KLHDC10: variants seen among roughly 807,000 people sequenced by gnomAD.
KLHDC10 encodes the protein kelch domain containing 10.
KLHDC10 carries 24 observed loss-of-function variants against 56.1 expected under a neutral mutation model. The observed-to-expected ratio is 0.43, with a 90% CI of 0.31 to 0.60. KLHDC10 has a LOEUF of 0.60. Among genes scored for constraint, KLHDC10 ranks in the 20% least tolerant of loss-of-function variants. The pLI, the probability that KLHDC10 is intolerant of heterozygous loss-of-function variation, is 0.11. For missense variants in KLHDC10, 349 were observed against 567.0 expected (o/e 0.62, Z 3.91); for synonymous variants, 188 against 207.1 (o/e 0.91, Z 0.79).
intron 2 of KLHDC10, among the ~76,000 whole-genome samples, chr7:130,113,678 CT>C (rs1037177121): frequency 3.3e-5 from 5 of 152,230 alleles, no homozygotes; most frequent in Non-Finnish European, 7.4e-5. Context: ...ATGAAACCGT[CT>C]TTTCACAGAC....
chr7:130,095,313 A>G (rs1285560560), intron 1 of KLHDC10, among the ~76,000 whole-genome samples: 2 of 152,092 alleles, frequency 1.3e-5, no homozygotes, highest in Admixed American at 6.5e-5. Context: ...AAAACCAACT[A>G]CCATTTTCTT....
intron 2 of KLHDC10, among the ~76,000 whole-genome samples, chr7:130,110,189 T>G (rs1796081936): frequency 6.6e-6 from 1 of 152,254 alleles, no homozygotes; most frequent in African/African-American, 2.4e-5. Flanking sequence ...TGTGATCATC[T>G]CATTGCACAT....
At chr7:130,093,389 A>T (rs1157893678) in intron 1 of KLHDC10, among the ~76,000 whole-genome samples, 1 of 151,838 alleles carries the variant, frequency 6.6e-6, no homozygotes, top group African/African-American at 2.4e-5. Context: ...ATGCCCAGCT[A>T]ATTTTTTTTG....
intron 2 of KLHDC10, among the ~76,000 whole-genome samples, chr7:130,098,401 G>A (rs1795881060): frequency 6.6e-6 from 1 of 152,118 alleles, no homozygotes; most frequent in Non-Finnish European, 1.5e-5. Flanking sequence ...GCTGAGATGG[G>A]AGGATCACTT....
At position 130,132,063 on chromosome 7, in the gene KLHDC10, TG is replaced by T. The variant is rs1796408719; in HGVS notation, c.*1318del. On this transcript the variant is annotated 3_prime_UTR_variant, in exon 10 of 10. Transcript: ENST00000335420. ...AATTTTAGTTCTGGTTTGTTTGATTTGTTTTTTTTTTAATTCTAAAAAGAAT... is the reference window on the plus strand; with the variant it reads ...AATTTTAGTTCTGGTTTGTTTGATTTTTTTTTTTTTAATTCTAAAAAGAAT... 6.6e-6 allele frequency: 1 copy of T among 151,066 alleles called. No homozygotes were observed. The highest frequency in any genetic ancestry group is 1.5e-5 in the Non-Finnish European group (1 of 68,010). 9.4% of individuals were successfully genotyped at this position (151,066 alleles called of 1,614,324 possible).
intron 1 of KLHDC10, among the ~76,000 whole-genome samples, chr7:130,082,778 A>G (rs1359703506): frequency 1.3e-5 from 2 of 152,108 alleles, no homozygotes; most frequent in Non-Finnish European, 2.9e-5. Flanking sequence ...TAACGTCCTA[A>G]TTGCTAACTC....
At chr7:130,112,368 G>A (rs575110009) in intron 2 of KLHDC10, among the ~76,000 whole-genome samples, 3 of 152,318 alleles carry the variant, frequency 2.0e-5, no homozygotes, top group Non-Finnish European at 4.4e-5. Flanking sequence ...TAATCCTTTA[G>A]CTTCATGTTC....
intron 4 of KLHDC10, among the ~76,000 whole-genome samples, chr7:130,121,163 A>G (rs1464019352): frequency 1.3e-5 from 2 of 150,904 alleles, no homozygotes; most frequent in African/African-American, 4.9e-5. Context: ...GTAGACCTGT[A>G]TGGAAGTTCC....
intron 5 of KLHDC10, among the ~76,000 whole-genome samples, chr7:130,123,934 T>A: frequency 6.6e-6 from 1 of 152,228 alleles, no homozygotes; most frequent in East Asian, 1.9e-4. Flanking sequence ...AATTTTCTGC[T>A]AAATAAGTAT....
At chr7:130,127,491 T>C in intron 8 of KLHDC10, 40 bp downstream of exon 8, 1 of 1,379,736 alleles carries the variant, frequency 7.2e-7, no homozygotes. Context: ...ATTTCTGTAA[T>C]TGTATCTTCT....
chr7:130,115,309 G>C (rs977456503), intron 2 of KLHDC10, among the ~76,000 whole-genome samples: 1 of 152,094 alleles, frequency 6.6e-6, no homozygotes, highest in Non-Finnish European at 1.5e-5. Context: ...TTCTGAAGTT[G>C]GGCAAGGGTT....
intron 2 of KLHDC10, among the ~76,000 whole-genome samples, chr7:130,098,618 A>G (rs970218740): frequency 6.6e-6 from 1 of 152,140 alleles, no homozygotes; most frequent in Non-Finnish European, 1.5e-5. Context: ...CAATTTACCA[A>G]TTTCCAATGA....
chr7:130,116,756 C>A lies in KLHDC10; in HGVS notation c.475+90C>A. ...CATATTCCTCATTAATAATTTATAA[C>A]ACTATAATGTGATTTCGCCCTGTGG... On this transcript the variant is annotated intron_variant, in intron 3 of 9. Transcript: ENST00000335420. This position sits in a 1 kb window ranked among gnomAD's most constrained non-coding sequence, Gnocchi z 4.8. The A allele has an allele frequency of 9.2e-7, 1 of 1,090,472 alleles. No homozygotes were observed. The highest frequency in any genetic ancestry group is 1.4e-6 in the Non-Finnish European group (1 of 717,118). The allele number at this position is 1,090,472 out of a possible 1,614,324, so 67.5% of individuals were successfully genotyped here. A position where few individuals can be genotyped will look rare whatever the true frequency, so the allele number is the denominator to read the frequency against.
intron 1 of KLHDC10, among the ~76,000 whole-genome samples, chr7:130,082,323 CA>C (rs920065360): frequency 6.6e-6 from 1 of 151,804 alleles, no homozygotes; most frequent in African/African-American, 2.4e-5. Context: ...GATGCTGCCT[CA>C]AAAAAACCCC....
chr7:130,122,355 C>A (rs1447014031), intron 5 of KLHDC10, among the ~76,000 whole-genome samples, 153 bp downstream of exon 5: 1 of 145,420 alleles, frequency 6.9e-6, no homozygotes, highest in South Asian at 2.2e-4. Flanking sequence ...AAAGAAAGGT[C>A]TATAGTAAAA....
intron 1 of KLHDC10, among the ~76,000 whole-genome samples, chr7:130,085,827 C>T (rs1214329430): frequency 5.2e-5 from 4 of 76,708 alleles, no homozygotes; most frequent in Non-Finnish European, 1.0e-4. Flanking sequence ...GAGTGAGACT[C>T]TTTCTCAAAA....
intron 7 of KLHDC10, among the ~76,000 whole-genome samples, chr7:130,126,777 C>G (rs936922968): frequency 6.6e-6 from 1 of 152,088 alleles, no homozygotes; most frequent in Admixed American, 6.5e-5. Flanking sequence ...TTGTTGAATT[C>G]TTTGGCAGAA....
intron 3 of KLHDC10, among the ~76,000 whole-genome samples, chr7:130,118,845 C>T (rs1584637043): frequency 6.6e-6 from 1 of 152,236 alleles, no homozygotes; most frequent in East Asian, 1.9e-4. Context: ...ACTCTCACAG[C>T]ATTTATTAAG....
At chr7:130,124,329 C>T (rs1043286961) in intron 5 of KLHDC10, 122 bp from the exon 6 acceptor site, 50 of 614,672 alleles carry the variant, frequency 8.1e-5, no homozygotes, top group African/African-American at 1.7e-4. Flanking sequence ...TATTGTTAAA[C>T]GCCTAGGTTA....
Sources: allele counts gnomAD v4.1 joint callset (sites outside exome capture counted in the v4.1 genomes callset), GRCh38; gene constraint gnomAD v4.1.1; non-coding constraint Gnocchi (gnomAD v3.1); transcripts MANE v1.5; gene names NCBI Gene and HGNC (gene_info 2026-07-23, HGNC 2026-07-21).